TEX11: variants seen among roughly 807,000 people sequenced by gnomAD.
TEX11 encodes testis-expressed protein 11.
In TEX11, 7 loss-of-function variants were observed where a neutral mutation model predicts 84.4. That is an observed-to-expected ratio of 0.08 (90% CI 0.05 to 0.16). The LOEUF is 0.16. Ranked by LOEUF, TEX11 falls within the 10% of genes least tolerant of loss-of-function variation. The pLI, the probability that TEX11 is intolerant of heterozygous loss-of-function variation, is 1.00. For missense variants in TEX11, 551 were observed against 660.5 expected (o/e 0.83, Z 1.82); for synonymous variants, 264 against 222.8 (o/e 1.18, Z -1.64).
Position 70,554,820 on chromosome X carries a change from G to A in TEX11, c.2141-20C>T. The A allele has an allele frequency of 1.7e-6, 2 of 1,184,214 alleles. No individual in the cohort carries two copies. Among genetic ancestry groups the A allele is most frequent in the Non-Finnish European group, 2.3e-6 (2 of 880,508 alleles). On this transcript the variant is annotated intron_variant, in intron 25 of 29. Transcript: ENST00000374333. Reference sequence around the variant, plus strand: ...AGGTCCCTAAGAAAGAGGCAAAAATGCAACATTCTTTGTGATTATATTATA... The same window carrying A: ...AGGTCCCTAAGAAAGAGGCAAAAATACAACATTCTTTGTGATTATATTATA...
chrX:70,832,584 G>A (rs1232427296), intron 8 of TEX11, among the ~76,000 whole-genome samples: 1 of 111,861 alleles, frequency 8.9e-6, no homozygotes. Context: ...TCACAAATAG[G>A]TACGATGTAT....
intron 18 of TEX11, among the ~76,000 whole-genome samples, chrX:70,628,594 G>T (rs1342174224): frequency 3.6e-5 from 4 of 112,014 alleles, no homozygotes; most frequent in Non-Finnish European, 7.5e-5. Context: ...TGCATGGCTT[G>T]TCTGTTCAAA....
intron 13 of TEX11, among the ~76,000 whole-genome samples, chrX:70,700,709 A>G (rs1055444333): frequency 8.9e-6 from 1 of 112,339 alleles, no homozygotes; most frequent in Non-Finnish European, 1.9e-5. Flanking sequence ...TTGGTGAGGA[A>G]GGCATGTTGA....
chrX:70,860,654 G>A (rs924938831), intron 5 of TEX11, among the ~76,000 whole-genome samples: 8 of 111,704 alleles, frequency 7.2e-5, no homozygotes, highest in Middle Eastern at 4.6e-3. Context: ...TTGGTTCACT[G>A]AACCACCGTA....
chrX:70,514,506 A>G, the TEX11 span, among the ~76,000 whole-genome samples: 1 of 106,527 alleles, frequency 9.4e-6, no homozygotes, highest in South Asian at 4.3e-4. Context: ...GAGGCAGGAG[A>G]ATGGCTTGAA....
At chrX:70,719,597 G>A (rs760595283) in intron 13 of TEX11, among the ~76,000 whole-genome samples, 123 of 111,651 alleles carry the variant, frequency 1.1e-3, no homozygotes, top group Middle Eastern at 9.2e-3. Flanking sequence ...TACAGAATGG[G>A]AGAAAATTTT....
intron 13 of TEX11, among the ~76,000 whole-genome samples, chrX:70,707,170 C>T (rs2090384269): frequency 9.0e-6 from 1 of 110,558 alleles, no homozygotes; most frequent in South Asian, 3.9e-4. Flanking sequence ...CAAAGGCCAG[C>T]TCAAACCTCA....
At chrX:70,875,352 G>A (rs1282947889) in intron 3 of TEX11, among the ~76,000 whole-genome samples, 3 of 109,789 alleles carry the variant, frequency 2.7e-5, no homozygotes, top group Non-Finnish European at 5.7e-5. Flanking sequence ...TGAAAAATGA[G>A]GAACAATATG....
intron 11 of TEX11, among the ~76,000 whole-genome samples, chrX:70,729,963 G>T (rs751000275): frequency 2.7e-5 from 3 of 111,782 alleles, no homozygotes; most frequent in Non-Finnish European, 3.8e-5. Flanking sequence ...CTGATCTCTC[G>T]GCAGAAACTC....
At position 70,839,669 on chromosome X, in the gene TEX11, G is replaced by T. The variant is rs757187740; in HGVS notation, c.526-6076C>A. Among the ~76,000 whole-genome samples the T allele has an allele frequency of 3.6e-5, 4 of 111,858 alleles. No individual in the cohort carries two copies. The Admixed American group carries it at 3.8e-4, about 11-fold the overall frequency. ...GACTTTGACGAGCTGAGAGAAGAAGGCTTCAGGCAATCAAACTACTCTGAG... is the reference window on the plus strand; with the variant it reads ...GACTTTGACGAGCTGAGAGAAGAAGTCTTCAGGCAATCAAACTACTCTGAG... On this transcript the variant is annotated intron_variant, in intron 7 of 29. Transcript: ENST00000374333.
intron 13 of TEX11, among the ~76,000 whole-genome samples, chrX:70,684,640 A>G (rs981842287): frequency 2.7e-5 from 3 of 111,999 alleles, no homozygotes; most frequent in African/African-American, 9.7e-5. Flanking sequence ...ACTAAAAAAC[A>G]TTGATGAAAT....
At chrX:70,836,657 T>C (rs760708349) in intron 7 of TEX11, among the ~76,000 whole-genome samples, 2 of 111,786 alleles carry the variant, frequency 1.8e-5, no homozygotes, top group Non-Finnish European at 3.8e-5. Context: ...AATAAAAAAA[T>C]TGGTCACAAT....
chrX:70,638,229 C>T (rs898219078), intron 17 of TEX11, among the ~76,000 whole-genome samples: 8 of 110,691 alleles, frequency 7.2e-5, no homozygotes, highest in African/African-American at 2.3e-4. Context: ...AAGAGAGGAT[C>T]CTGAAAGTAA....
rs144490871 is a variant in TEX11 at position 70,771,894 on chromosome X, G to A, written c.693-27675C>T. ...TGCCTCATGAACCCAGCCTCCAGGC[G>A]TGTCCCAGTTATGGACCCACCCCCA... On this transcript the variant is annotated intron_variant, in intron 9 of 29. Coordinates refer to ENST00000374333, the MANE Select transcript of TEX11 (RefSeq NM_031276.3). 2.0e-4 allele frequency among the ~76,000 whole-genome samples: 22 copies of A among 111,554 alleles called. No individual in the cohort carries two copies. In the East Asian group the frequency reaches 2.6e-3, roughly 13 times the overall value.
At chrX:70,893,234 T>C (rs892932951) in intron 2 of TEX11, among the ~76,000 whole-genome samples, 2 of 111,461 alleles carry the variant, frequency 1.8e-5, no homozygotes, top group Non-Finnish European at 3.8e-5. Context: ...CCACCCCAAA[T>C]CAACAGAATA....
Position 70,607,032 on chromosome X carries a change from G to T in TEX11, c.1880-3C>A. ...ACATTGCACAGCCAAGTTCCAAGCTGGAAATTAACATGAAATAACATAATA... is the reference window on the plus strand; with the variant it reads ...ACATTGCACAGCCAAGTTCCAAGCTTGAAATTAACATGAAATAACATAATA... On this transcript the variant is annotated splice_polypyrimidine_tract_variant and splice_region_variant and intron_variant, in intron 22 of 29. Coordinates refer to ENST00000374333, the MANE Select transcript of TEX11 (RefSeq NM_031276.3). The T allele has an allele frequency of 1.7e-6, 2 of 1,177,096 alleles. No individual in the cohort carries two copies. The highest frequency in any genetic ancestry group is 2.3e-6 in the Non-Finnish European group (2 of 873,196).
intron 11 of TEX11, among the ~76,000 whole-genome samples, chrX:70,739,256 CTGTT>C (rs2090717977): frequency 9.0e-6 from 1 of 110,827 alleles, no homozygotes; most frequent in African/African-American, 3.3e-5. Context: ...AGTAAATGCT[CTGTT>C]TGACAAATTT....
chrX:70,592,580 G>A (rs1473535862), intron 24 of TEX11, among the ~76,000 whole-genome samples: 1 of 111,521 alleles, frequency 9.0e-6, no homozygotes, highest in African/African-American at 3.3e-5. Flanking sequence ...TCTCATCTCA[G>A]CTCTCTCATC....
In TEX11 at chrX:70,744,242, AT is replaced by A. The variant is rs368072991; in HGVS notation, c.693-24del. On this transcript the variant is annotated intron_variant, in intron 9 of 29. Coordinates refer to ENST00000374333, the MANE Select transcript of TEX11 (RefSeq NM_031276.3). The stretch of plus-strand genomic sequence containing the variant: ...TGGCTATCATTAAAAAGGAAAAAAA[AT>A]ATATATATATATATAAACATATATC... 4,783 of 520,024 alleles carry A rather than the reference AT, an allele frequency of 9.2e-3. 131 individuals are homozygous for A. Among genetic ancestry groups the A allele is most frequent in the South Asian group, 0.025 (296 of 11,961 alleles). The allele number at this position is 520,024 out of a possible 1,213,427, so 42.9% of individuals were successfully genotyped here.
Sources: allele counts gnomAD v4.1 joint callset (sites outside exome capture counted in the v4.1 genomes callset), GRCh38; gene constraint gnomAD v4.1.1; transcripts MANE v1.5; gene names NCBI Gene and HGNC (gene_info 2026-07-23, HGNC 2026-07-21).